The following TNS3 variants were observed in gnomAD, a reference collection of about 807,000 sequenced individuals.
TNS3 encodes tensin-3.
A neutral mutation model predicts 140.9 loss-of-function variants in TNS3; 45 were observed. The observed-to-expected ratio is 0.32, with a 90% CI of 0.25 to 0.41. TNS3 has a LOEUF of 0.41. TNS3 is among the 10% of genes least tolerant of loss of function. The pLI, the probability that TNS3 is intolerant of heterozygous loss-of-function variation, is 1.00. For synonymous variants in TNS3, 815 were observed against 788.4 expected (o/e 1.03, Z -0.56); for missense variants, 1,716 against 1,906.7 (o/e 0.90, Z 1.86).
chr7:47,481,102 C>T lies in TNS3; in HGVS notation c.-76+1G>A. ...GAGCCAAAGAAATGCAAAGGGCTTACCTGTTCCAGTCGGACTTGCACACCG... is the reference window on the plus strand; with the variant it reads ...GAGCCAAAGAAATGCAAAGGGCTTATCTGTTCCAGTCGGACTTGCACACCG... On this transcript the variant is annotated splice_donor_variant, in intron 4 of 30. Coordinates refer to ENST00000311160, the MANE Select transcript of TNS3 (RefSeq NM_022748.12). LOFTEE classifies it low-confidence loss of function (5UTR_SPLICE). The T allele has an allele frequency of 7.8e-7, 1 of 1,289,806 alleles. No individual in the cohort carries two copies. The highest frequency in any genetic ancestry group is 1.2e-5 in the South Asian group (1 of 81,032). The allele number at this position is 1,289,806 out of a possible 1,614,324, so 79.9% of individuals were successfully genotyped here. A position where few individuals can be genotyped will look rare whatever the true frequency, so the allele number is the denominator to read the frequency against.
intron 13 of TNS3, among the ~76,000 whole-genome samples, chr7:47,410,244 A>T (rs1409820950): frequency 2.6e-5 from 4 of 152,180 alleles, no homozygotes; most frequent in African/African-American, 9.7e-5. Flanking sequence ...GCAGCACAGC[A>T]CTGCTGAGGA....
At chr7:47,344,526 T>G (rs559431268) in intron 20 of TNS3, among the ~76,000 whole-genome samples, 1 of 152,124 alleles carries the variant, frequency 6.6e-6, no homozygotes, top group South Asian at 2.1e-4. Context: ...TACAGGAGGG[T>G]TCCCCACAGG....
At chr7:47,479,886 G>C (rs1177688224) in intron 4 of TNS3, among the ~76,000 whole-genome samples, 2 of 152,118 alleles carry the variant, frequency 1.3e-5, no homozygotes, top group Non-Finnish European at 2.9e-5. Context: ...CCGAGGCTCA[G>C]GTGGGCAGGG....
At chr7:47,356,827 A>G (rs992824491) in intron 17 of TNS3, among the ~76,000 whole-genome samples, 11 of 152,030 alleles carry the variant, frequency 7.2e-5, no homozygotes, top group African/African-American at 2.7e-4. Flanking sequence ...CTGTAATCCC[A>G]CCACTTTGAG....
At chr7:47,396,550 T>TAA (rs1481160499) in intron 16 of TNS3, 1 of 512,038 alleles carries the variant, frequency 2.0e-6, no homozygotes, top group East Asian at 3.6e-5. Flanking sequence ...CTCCTGGATA[T>TAA]AACTTCACTG....
chr7:47,493,136 C>A (rs1797874881), intron 3 of TNS3, among the ~76,000 whole-genome samples: 1 of 152,174 alleles, frequency 6.6e-6, no homozygotes, highest in Non-Finnish European at 1.5e-5. Flanking sequence ...AATAAAACCA[C>A]CCTCCAGAGT....
chr7:47,322,978 C>A (rs1328025203), intron 20 of TNS3, among the ~76,000 whole-genome samples: 1 of 152,104 alleles, frequency 6.6e-6, no homozygotes, highest in Non-Finnish European at 1.5e-5. Context: ...ACATAGGAGG[C>A]CAGCAGGGAG....
chr7:47,416,841 T>A (rs936386479), intron 10 of TNS3, among the ~76,000 whole-genome samples: 2 of 152,196 alleles, frequency 1.3e-5, no homozygotes, highest in African/African-American at 4.8e-5. Flanking sequence ...TGAGTAAAAG[T>A]GAGGAACCAC....
At chr7:47,337,775 C>T (rs545653459) in intron 20 of TNS3, among the ~76,000 whole-genome samples, 40 of 152,334 alleles carry the variant, frequency 2.6e-4, no homozygotes, top group African/African-American at 9.4e-4. Context: ...CTACAGAGAA[C>T]GGCTCCTGGC....
In TNS3 at chr7:47,407,739, G is replaced by T. The variant is rs1378530919; in HGVS notation, c.723+3988C>A. Among the ~76,000 whole-genome samples, 1 of 152,154 alleles carries T rather than the reference G, an allele frequency of 6.6e-6. No individual in the cohort carries two copies. Among genetic ancestry groups the T allele is most frequent in the Admixed American group, 6.5e-5 (1 of 15,280 alleles). ...CGAATGAATGATAACTGGTGTCCTT[G>T]TAAGAAGAGATGAGGACATAGACAC... On this transcript the variant is annotated intron_variant, in intron 13 of 30. Coordinates refer to ENST00000311160, the MANE Select transcript of TNS3 (RefSeq NM_022748.12). This position sits in a 1 kb window ranked among gnomAD's most constrained non-coding sequence, Gnocchi z 4.1.
In TNS3 at chr7:47,293,777, G is replaced by A. The variant is rs375611617; in HGVS notation, c.3728C>T (p.Pro1243Leu). Reference protein sequence around the residue: ...LVRHFLIECTPKGVRLKGCSN... With the variant: ...LVRHFLIECTLKGVRLKGCSN... ...GCACCCTTTCAACCGCACTCCCTTC[G>A]GGGTACACTCGATCAAAAAGTGCCG... The change falls in exon 25 of 31, where the codon CCG (proline) becomes CTG (leucine). Residue 1243 changes from proline to leucine, a missense_variant. Coordinates refer to ENST00000311160, the MANE Select transcript of TNS3 (RefSeq NM_022748.12). 1.9e-5 allele frequency: 31 copies of A among 1,614,116 alleles called. 1 individual carries two copies. The highest frequency in any genetic ancestry group is 5.5e-5 in the South Asian group (5 of 91,084).
intron 20 of TNS3, among the ~76,000 whole-genome samples, chr7:47,320,204 C>T (rs779023908): frequency 3.9e-5 from 6 of 152,178 alleles, no homozygotes; most frequent in Non-Finnish European, 8.8e-5. Flanking sequence ...TGTGCACTCT[C>T]GTCCATCTAT....
chr7:47,423,985 C>T, intron 10 of TNS3, 116 bp downstream of exon 10: 1 of 1,061,286 alleles, frequency 9.4e-7, no homozygotes, highest in Non-Finnish European at 1.4e-6. Flanking sequence ...TTGGCATGAC[C>T]CAAGAATACT....
rs191621359 is a variant in TNS3 at position 47,520,203 on chromosome 7, G to A, written c.-153+8833C>T. On this transcript the variant is annotated intron_variant, in intron 2 of 30. Transcript: ENST00000311160. ...ACCCACGTGGGCTCCGTGAAGCACA[G>A]CACTGCCTCTTCCCTGGCTTCGAGG... is the stretch of plus-strand genomic sequence containing the variant. 2.0e-5 allele frequency among the ~76,000 whole-genome samples: 3 copies of A among 152,224 alleles called. 1 individual carries two copies. Among genetic ancestry groups the A allele is most frequent in the Admixed American group, 2.0e-4 (3 of 15,286 alleles).
At position 47,297,390 on chromosome 7, in the gene TNS3, C is replaced by T. The variant is rs568150558; in HGVS notation, c.3545-177G>A. Among the ~76,000 whole-genome samples the T allele has an allele frequency of 2.6e-5, 4 of 152,130 alleles. No individual in the cohort carries two copies. In the East Asian group the frequency reaches 7.8e-4, roughly 30 times the overall value. On this transcript the variant is annotated intron_variant, in intron 23 of 30. Coordinates refer to ENST00000311160, the MANE Select transcript of TNS3 (RefSeq NM_022748.12). ...CTACATGTCCATGCAGTTGAGGGAC[C>T]TTCAGGGAGGTCTCTGTGGTGTCGT...
At chr7:47,377,587 T>C (rs1412491928) in intron 16 of TNS3, among the ~76,000 whole-genome samples, 4 of 152,124 alleles carry the variant, frequency 2.6e-5, no homozygotes, top group African/African-American at 9.7e-5. Context: ...TGCATGTAAA[T>C]TGCATCTCAG....
chr7:47,386,965 C>T (rs1338337296), intron 16 of TNS3, among the ~76,000 whole-genome samples: 1 of 152,224 alleles, frequency 6.6e-6, no homozygotes, highest in African/African-American at 2.4e-5. Context: ...ACCTCACATG[C>T]CCTGCCCTCC....
intron 3 of TNS3, among the ~76,000 whole-genome samples, chr7:47,494,962 A>G (rs1202353163): frequency 6.6e-6 from 1 of 152,110 alleles, no homozygotes; most frequent in Non-Finnish European, 1.5e-5. Context: ...AATGTGGCTG[A>G]AAAAAAGAAG....
intron 9 of TNS3, among the ~76,000 whole-genome samples, chr7:47,427,326 C>T (rs1794710890): frequency 6.6e-6 from 1 of 152,086 alleles, no homozygotes; most frequent in South Asian, 2.1e-4. Flanking sequence ...GGTTGGTTTC[C>T]TCCCTGGCAG....
Sources: allele counts gnomAD v4.1 joint callset (sites outside exome capture counted in the v4.1 genomes callset), GRCh38; gene constraint gnomAD v4.1.1; non-coding constraint Gnocchi (gnomAD v3.1); transcripts MANE v1.5; gene names NCBI Gene and HGNC (gene_info 2026-07-23, HGNC 2026-07-21).